The following ROCK1 variants were observed in gnomAD, a reference collection of about 807,000 sequenced individuals.
The protein encoded by ROCK1 is rho-associated protein kinase 1.
Under a neutral mutation model 196.8 loss-of-function variants are expected in ROCK1, and 36 were observed. The ratio of observed to expected loss-of-function variants is 0.18; its 90% CI spans 0.14 to 0.24. The LOEUF (loss-of-function observed/expected upper bound fraction) is 0.24. Ranked by LOEUF, ROCK1 falls within the 10% of genes least tolerant of loss-of-function variation. ROCK1 has a pLI of 1.00. For missense variants in ROCK1, 920 were observed against 1,562.0 expected, an observed-to-expected ratio of 0.59 and a Z score of 6.93; for synonymous variants, 443 against 515.9, an observed-to-expected ratio of 0.86 and a Z score of 1.91.
At chr18:20,976,656 A>T (rs907045360) in intron 22 of ROCK1, among the ~76,000 whole-genome samples, 32 of 152,164 alleles carry the variant, frequency 2.1e-4, no homozygotes, top group African/African-American at 7.5e-4. Flanking sequence ...TGAGATACAC[A>T]ATCACCTTAA....
At chr18:21,045,720 ATTTC>A (rs2036149836) in intron 4 of ROCK1, among the ~76,000 whole-genome samples, 1 of 152,104 alleles carries the variant, frequency 6.6e-6, no homozygotes, top group African/African-American at 2.4e-5. Context: ...CACTATTTGA[ATTTC>A]TTTTACTGAG....
chr18:21,077,810 G>A (rs2036446952), intron 1 of ROCK1, among the ~76,000 whole-genome samples: 1 of 152,138 alleles, frequency 6.6e-6, no homozygotes, highest in Non-Finnish European at 1.5e-5. Context: ...GGGCAAATCT[G>A]CAAAGACTGA....
chr18:21,074,780 T>C (rs2036415227), intron 1 of ROCK1, among the ~76,000 whole-genome samples: 1 of 152,058 alleles, frequency 6.6e-6, no homozygotes, highest in African/African-American at 2.4e-5. Flanking sequence ...AGTTAGTTAG[T>C]AGGTAGAAAA....
intron 18 of ROCK1, 120 bp from the exon 19 acceptor site, chr18:20,987,230 T>G: frequency 1.3e-6 from 1 of 776,350 alleles, no homozygotes; most frequent in South Asian, 1.7e-5. Context: ...GGGACTTGAA[T>G]AGAGCTAGTA....
intron 1 of ROCK1, among the ~76,000 whole-genome samples, chr18:21,071,052 A>C (rs1353505059): frequency 6.6e-6 from 1 of 152,174 alleles, no homozygotes; most frequent in African/African-American, 2.4e-5. Context: ...CATAATCACA[A>C]ATGCAAGCTA....
At chr18:21,018,119 C>T (rs1390615590) in intron 12 of ROCK1, among the ~76,000 whole-genome samples, 1 of 152,040 alleles carries the variant, frequency 6.6e-6, no homozygotes, top group Non-Finnish European at 1.5e-5. Context: ...AATTTTATTT[C>T]CTTGAGGTGA....
In ROCK1 at chr18:21,098,116, G is replaced by C. The variant is rs2036626770; in HGVS notation, c.93+12702C>G. 2.6e-5 allele frequency among the ~76,000 whole-genome samples: 4 copies of C among 152,364 alleles called. No homozygotes were observed. In the South Asian group the frequency reaches 8.3e-4, roughly 32 times the overall value. ...AAAAAACACCCATGTGCTTCAATGTGACGGTGTATGTGCATGGGAGAGCAG... is the reference window on the plus strand; with the variant it reads ...AAAAAACACCCATGTGCTTCAATGTCACGGTGTATGTGCATGGGAGAGCAG... On this transcript the variant is annotated intron_variant, in intron 1 of 32. Transcript: ENST00000399799.
At chr18:21,043,837 T>C (rs1184383902) in intron 6 of ROCK1, among the ~76,000 whole-genome samples, 1 of 152,030 alleles carries the variant, frequency 6.6e-6, no homozygotes, top group Non-Finnish European at 1.5e-5. Context: ...CAGTAGTGTA[T>C]ATTAGAGTTG....
At chr18:20,963,489 G>A (rs1179043520) in intron 27 of ROCK1, among the ~76,000 whole-genome samples, 1 of 152,024 alleles carries the variant, frequency 6.6e-6, no homozygotes, top group Non-Finnish European at 1.5e-5. Flanking sequence ...GGCAAGGTCA[G>A]AAACATTCAT....
intron 12 of ROCK1, 29 bp downstream of exon 12, chr18:21,020,121 TA>T: frequency 7.2e-7 from 1 of 1,381,354 alleles, no homozygotes; most frequent in Non-Finnish European, 1.0e-6. Context: ...ATAAAACTTT[TA>T]ATATGAAAAA....
At chr18:21,011,614 C>T (rs2143446473) in intron 13 of ROCK1, among the ~76,000 whole-genome samples, 1 of 152,260 alleles carries the variant, frequency 6.6e-6, no homozygotes, top group East Asian at 1.9e-4. Flanking sequence ...CACTACCACA[C>T]CTGGCTAATT....
At chr18:21,079,679 A>C (rs2036466216) in intron 1 of ROCK1, among the ~76,000 whole-genome samples, 1 of 152,112 alleles carries the variant, frequency 6.6e-6, no homozygotes, top group Admixed American at 6.6e-5. Context: ...AGCCCGCTTT[A>C]GCTCTGGGGA....
At position 20,966,973 on chromosome 18, in the gene ROCK1, T is replaced by A; in HGVS notation, c.3296A>T (p.Asp1099Val). Reference sequence around the variant, plus strand: ...AGGAAAACTAGCAACACTTGTAGAATCCGAGAGGTCCAAAAGTTTAGCACG... The same window carrying A: ...AGGAAAACTAGCAACACTTGTAGAAACCGAGAGGTCCAAAAGTTTAGCACG... ...QLRAKLLDLS[D>V]STSVASFPSA... The change falls in exon 27 of 33, where the codon GAT becomes GTT. Residue 1099 changes from aspartate (D) to valine (V), a missense_variant. Transcript: ENST00000399799. 1 of 1,613,792 alleles carries A rather than the reference T, an allele frequency of 6.2e-7. No individual in the cohort carries two copies. Among genetic ancestry groups the A allele is most frequent in the Non-Finnish European group, 8.5e-7 (1 of 1,179,686 alleles).
At chr18:21,080,275 G>A (rs1435546373) in intron 1 of ROCK1, among the ~76,000 whole-genome samples, 2 of 152,048 alleles carry the variant, frequency 1.3e-5, no homozygotes, top group Non-Finnish European at 2.9e-5. Context: ...ACGGCTGGGA[G>A]GAATGAAATA....
intron 9 of ROCK1, among the ~76,000 whole-genome samples, chr18:21,039,009 TCA>T (rs2036082521): frequency 6.6e-6 from 1 of 152,208 alleles, no homozygotes; most frequent in Non-Finnish European, 1.5e-5. Flanking sequence ...ATCAAGTATA[TCA>T]CAATATCCTA....
rs565752194 is a variant in ROCK1 at position 21,017,522 on chromosome 18, T to C, written c.1362-2043A>G. Among the ~76,000 whole-genome samples the C allele has an allele frequency of 3.3e-5, 5 of 152,220 alleles. No homozygotes were observed. The East Asian group carries it at 9.7e-4, about 30-fold the overall frequency. On this transcript the variant is annotated intron_variant, in intron 12 of 32. Coordinates refer to ENST00000399799, the MANE Select transcript of ROCK1 (RefSeq NM_005406.3). ...CTTCTTGATAATTACTTACTTGTTTTTCTTGCTAAATTACAAGCTCCTTGT... is the reference window on the plus strand; with the variant it reads ...CTTCTTGATAATTACTTACTTGTTTCTCTTGCTAAATTACAAGCTCCTTGT...
At chr18:20,964,880 G>A (rs1044906715) in intron 27 of ROCK1, among the ~76,000 whole-genome samples, 1 of 152,144 alleles carries the variant, frequency 6.6e-6, no homozygotes, top group South Asian at 2.1e-4. Flanking sequence ...AATCAGCCAC[G>A]ATGGTGGGTA....
intron 8 of ROCK1, among the ~76,000 whole-genome samples, chr18:21,040,235 C>T (rs2036093718): frequency 1.3e-5 from 2 of 151,860 alleles, no homozygotes; most frequent in African/African-American, 4.8e-5. Context: ...TAAAGTTAGG[C>T]TTTTTTTTCC....
chr18:21,085,929 T>C (rs1329449592), intron 1 of ROCK1, among the ~76,000 whole-genome samples: 1 of 152,160 alleles, frequency 6.6e-6, no homozygotes, highest in Non-Finnish European at 1.5e-5. Flanking sequence ...GTTTTATAGG[T>C]ATGGGTGAAC....
Sources: allele counts gnomAD v4.1 joint callset (sites outside exome capture counted in the v4.1 genomes callset), GRCh38; gene constraint gnomAD v4.1.1; transcripts MANE v1.5; gene names NCBI Gene and HGNC (gene_info 2026-07-23, HGNC 2026-07-21).